The following CDH13 variants were observed in gnomAD, a reference collection of about 807,000 sequenced individuals.
CDH13 encodes the protein cadherin 13.
CDH13 carries 24 observed loss-of-function variants against 63.8 expected under a neutral mutation model. That is an observed-to-expected ratio of 0.38 (90% CI 0.27 to 0.53). The LOEUF is 0.53. Among genes scored for constraint, CDH13 ranks in the 20% least tolerant of loss-of-function variants. The pLI is 0.85. For missense variants in CDH13, 1,049 were observed against 903.1 expected (o/e 1.16, Z -2.07); for synonymous variants, 503 against 355.3 (o/e 1.42, Z -4.67).
At chr16:83,649,270 T>G (rs887980313) in intron 8 of CDH13, among the ~76,000 whole-genome samples, 1 of 152,276 alleles carries the variant, frequency 6.6e-6, no homozygotes, top group East Asian at 1.9e-4. Context: ...TGTTTTCTAC[T>G]GTAATTACAT....
chr16:82,770,520 T>G (rs943881429), intron 1 of CDH13, among the ~76,000 whole-genome samples: 3 of 152,204 alleles, frequency 2.0e-5, no homozygotes, highest in African/African-American at 7.2e-5. Flanking sequence ...CTATCCTGCT[T>G]AAAAAATCAT....
At chr16:83,317,551 A>T (rs1421791480) in intron 5 of CDH13, among the ~76,000 whole-genome samples, 1 of 152,178 alleles carries the variant, frequency 6.6e-6, no homozygotes, top group Non-Finnish European at 1.5e-5. Flanking sequence ...GTAAGAATCC[A>T]GTACTTTGGG....
In CDH13 at chr16:83,402,263, A is replaced by G. The variant is rs4782787; in HGVS notation, c.781+57257A>G. Among the ~76,000 whole-genome samples the G allele has an allele frequency of 1.5e-3, 236 of 152,270 alleles. 1 individual carries two copies. Among genetic ancestry groups the G allele is most frequent in the Non-Finnish European group, 1.8e-3 (120 of 68,020 alleles). ...GCTCCCGGAGCGCCACCTATTGACCATATAGTTTGCCACCTGTCTCAGTTT... is the reference window on the plus strand; with the variant it reads ...GCTCCCGGAGCGCCACCTATTGACCGTATAGTTTGCCACCTGTCTCAGTTT... On this transcript the variant is annotated intron_variant, in intron 6 of 13. Transcript: ENST00000567109.
At chr16:82,829,932 C>A (rs1340285388) in intron 1 of CDH13, among the ~76,000 whole-genome samples, 1 of 152,196 alleles carries the variant, frequency 6.6e-6, no homozygotes, top group East Asian at 1.9e-4. Flanking sequence ...ACTTCCATAA[C>A]AATTGTTAGG....
chr16:82,637,448 T>TTTTTTTTTTTTG (rs56677051), intron 1 of CDH13, among the ~76,000 whole-genome samples: 2 of 144,776 alleles, frequency 1.4e-5, no homozygotes, highest in Non-Finnish European at 3.0e-5. Flanking sequence ...TTTTTTTTTT[T>TTTTTTTTTTTTG]GAGACGGAGT....
At chr16:83,209,979 T>A (rs1049552531) in intron 4 of CDH13, among the ~76,000 whole-genome samples, 1 of 152,128 alleles carries the variant, frequency 6.6e-6, no homozygotes, top group African/African-American at 2.4e-5. Flanking sequence ...GGCTTCGGAC[T>A]GGAGAAGCAG....
At chr16:83,345,036 A>G in intron 6 of CDH13, 30 bp downstream of exon 6, 1 of 1,605,968 alleles carries the variant, frequency 6.2e-7, no homozygotes, top group South Asian at 1.1e-5. Context: ...CTTTAGCGTA[A>G]TGGCTTGGAA....
At chr16:83,010,220 C>T (rs574037791) in intron 2 of CDH13, among the ~76,000 whole-genome samples, 26 of 151,124 alleles carry the variant, frequency 1.7e-4, no homozygotes, top group Non-Finnish European at 3.1e-4. Context: ...CCTAAGGCTG[C>T]TCATGCTGCT....
chr16:82,848,897 G>C (rs77039277), intron 1 of CDH13, among the ~76,000 whole-genome samples: 1 of 152,198 alleles, frequency 6.6e-6, no homozygotes, highest in African/African-American at 2.4e-5. Flanking sequence ...TAGGTTTCTT[G>C]TGCCAAAGAG....
At chr16:83,293,808 G>T (rs1452199965) in intron 5 of CDH13, among the ~76,000 whole-genome samples, 1 of 152,124 alleles carries the variant, frequency 6.6e-6, no homozygotes, top group Non-Finnish European at 1.5e-5. Flanking sequence ...CTCAGCTACA[G>T]TTTCTTCCCA....
chr16:82,651,723 C>G (rs569190347), intron 1 of CDH13, among the ~76,000 whole-genome samples: 42 of 152,312 alleles, frequency 2.8e-4, no homozygotes, highest in African/African-American at 1.0e-3. Context: ...GGGGCTTATA[C>G]CTTCCCATTC....
At chr16:83,130,368 C>G (rs1281734712) in intron 4 of CDH13, among the ~76,000 whole-genome samples, 1 of 152,204 alleles carries the variant, frequency 6.6e-6, no homozygotes, top group Non-Finnish European at 1.5e-5. Context: ...AGTCTGTGCT[C>G]TTAACCAGTA....
intron 3 of CDH13, among the ~76,000 whole-genome samples, chr16:83,055,559 A>C (rs1453997892): frequency 7.2e-6 from 1 of 139,102 alleles, no homozygotes; most frequent in African/African-American, 3.3e-5. Context: ...AAAGCATACC[A>C]AAAAAAAAGA....
intron 3 of CDH13, among the ~76,000 whole-genome samples, chr16:83,090,236 C>A (rs1025729358): frequency 6.6e-6 from 1 of 152,132 alleles, no homozygotes; most frequent in African/African-American, 2.4e-5. Flanking sequence ...ACAGCATGTT[C>A]CCTGGTTCAG....
intron 5 of CDH13, among the ~76,000 whole-genome samples, chr16:83,236,213 G>A (rs2040137319): frequency 7.4e-6 from 1 of 135,506 alleles, no homozygotes; most frequent in African/African-American, 2.8e-5. Context: ...CTGAGAGATA[G>A]CCCCCTGCAA....
intron 10 of CDH13, among the ~76,000 whole-genome samples, chr16:83,681,569 T>C (rs1915406752): frequency 2.6e-5 from 4 of 152,080 alleles, no homozygotes; most frequent in Admixed American, 2.6e-4. Context: ...TCTTCTCCCC[T>C]TCACTCCCTC....
intron 1 of CDH13, among the ~76,000 whole-genome samples, chr16:82,819,793 G>A (rs545313172): frequency 1.5e-4 from 23 of 152,052 alleles, no homozygotes; most frequent in Admixed American, 2.6e-4. Context: ...GAATAAATAC[G>A]GCAAAGATCC....
chr16:83,071,071 A>G (rs574987966), intron 3 of CDH13, among the ~76,000 whole-genome samples: 9 of 152,244 alleles, frequency 5.9e-5, no homozygotes, highest in African/African-American at 9.6e-5. Flanking sequence ...TCTCCTAGGC[A>G]TGAGACACCA....
chr16:83,624,115 A>G (rs1346433061), intron 8 of CDH13, among the ~76,000 whole-genome samples: 1 of 152,136 alleles, frequency 6.6e-6, no homozygotes, highest in Non-Finnish European at 1.5e-5. Flanking sequence ...TCCAGCTGTC[A>G]GCTCTGCCTG....
Sources: allele counts gnomAD v4.1 joint callset (sites outside exome capture counted in the v4.1 genomes callset), GRCh38; gene constraint gnomAD v4.1.1; transcripts MANE v1.5; gene names NCBI Gene and HGNC (gene_info 2026-07-23, HGNC 2026-07-21).